The following RGS6 variants were observed in gnomAD, a reference collection of about 807,000 sequenced individuals.
RGS6 encodes regulator of G-protein signaling 6.
In RGS6, 30 loss-of-function variants were observed where a neutral mutation model predicts 78.5. That is an observed-to-expected ratio of 0.38 (90% CI 0.29 to 0.52). The LOEUF is 0.52. RGS6 is among the 20% of genes least tolerant of loss of function. The pLI, the probability that RGS6 is intolerant of heterozygous loss-of-function variation, is 0.85. For missense variants in RGS6, 495 were observed against 609.7 expected, an observed-to-expected ratio of 0.81 and a Z score of 1.98; for synonymous variants, 206 against 206.0, an observed-to-expected ratio of 1.00 and a Z score of 0.00.
At chr14:72,382,402 T>C (rs1016322414) in intron 3 of RGS6, among the ~76,000 whole-genome samples, 2 of 152,226 alleles carry the variant, frequency 1.3e-5, no homozygotes, top group African/African-American at 4.8e-5. Flanking sequence ...TGAGATATCA[T>C]TTTAATTCAC....
At chr14:72,340,053 T>C (rs1386077027) in intron 2 of RGS6, among the ~76,000 whole-genome samples, 2 of 152,278 alleles carry the variant, frequency 1.3e-5, no homozygotes, top group African/African-American at 4.8e-5. Context: ...GCCCTGCCTT[T>C]CCAGTTTCCC....
the RGS6 span, among the ~76,000 whole-genome samples, chr14:72,593,070 T>C: frequency 5.9e-5 from 9 of 152,086 alleles, no homozygotes; most frequent in Non-Finnish European, 8.8e-5. Flanking sequence ...CTAGGAGTTG[T>C]GGGCATGCTG....
the RGS6 span, among the ~76,000 whole-genome samples, chr14:71,913,516 T>A: frequency 6.6e-6 from 1 of 152,232 alleles, no homozygotes; most frequent in African/African-American, 2.4e-5. Flanking sequence ...TCATGTCCAG[T>A]AGTCATTCGC....
At chr14:72,327,044 C>T (rs115519021) in intron 2 of RGS6, among the ~76,000 whole-genome samples, 1,635 of 152,242 alleles carry the variant, frequency 0.011, 26 homozygotes, top group African/African-American at 0.036. Flanking sequence ...TGGCCTAACA[C>T]GTATACATTA....
At chr14:72,479,366 T>C (rs1469895205) in intron 12 of RGS6, among the ~76,000 whole-genome samples, 2 of 152,198 alleles carry the variant, frequency 1.3e-5, no homozygotes, top group African/African-American at 4.8e-5. Flanking sequence ...ACTAGTGACA[T>C]TCTGAGCCAG....
chr14:72,351,409 C>T (rs1018749343), intron 2 of RGS6, among the ~76,000 whole-genome samples: 5 of 152,148 alleles, frequency 3.3e-5, no homozygotes, highest in African/African-American at 1.2e-4. Flanking sequence ...AGTAGGATGT[C>T]AACAGTCCAC....
rs984115125 is a variant in RGS6, at chr14:72,117,868, C to T, written c.84+152993C>T. ...GACCCACAAGGACCCATGATACCCA[C>T]CTGCAGCTGGCTGTTGCCATCTATT... is the stretch of plus-strand genomic sequence containing the variant. On this transcript the variant is annotated intron_variant, in intron 2 of 17. Transcript: ENST00000553525. Among the ~76,000 whole-genome samples, 4 of 152,170 alleles carry T rather than the reference C, an allele frequency of 2.6e-5. No individual in the cohort carries two copies. In the East Asian group the frequency reaches 7.7e-4, roughly 29 times the overall value.
At chr14:71,956,653 T>C (rs370066660) in intron 1 of RGS6, among the ~76,000 whole-genome samples, 13 of 152,256 alleles carry the variant, frequency 8.5e-5, no homozygotes, top group African/African-American at 2.9e-4. Flanking sequence ...GATTAGATTG[T>C]GCCCACCAGA....
chr14:72,151,590 C>G (rs1213907796), intron 2 of RGS6, among the ~76,000 whole-genome samples: 1 of 152,120 alleles, frequency 6.6e-6, no homozygotes, highest in African/African-American at 2.4e-5. Context: ...TAGCTGTGTG[C>G]TTGGGCGCCA....
At chr14:72,335,456 T>G (rs770160115) in intron 2 of RGS6, among the ~76,000 whole-genome samples, 4 of 152,160 alleles carry the variant, frequency 2.6e-5, no homozygotes, top group Non-Finnish European at 5.9e-5. Flanking sequence ...CCAAACTGAC[T>G]TGCATTTTAA....
At chr14:72,445,095 G>A (rs964607517) in intron 3 of RGS6, among the ~76,000 whole-genome samples, 1 of 152,212 alleles carries the variant, frequency 6.6e-6, no homozygotes, top group Middle Eastern at 3.2e-3. Flanking sequence ...CCTCTTCCCA[G>A]TGACAGCCAG....
chr14:71,990,632 C>A, intron 2 of RGS6: 1 of 456,074 alleles, frequency 2.2e-6, no homozygotes, highest in Non-Finnish European at 4.4e-6. Flanking sequence ...TCTTCGTCTT[C>A]ATTCCCGGGG....
At chr14:72,240,355 T>C (rs2052457937) in intron 2 of RGS6, among the ~76,000 whole-genome samples, 1 of 152,184 alleles carries the variant, frequency 6.6e-6, no homozygotes, top group Non-Finnish European at 1.5e-5. Context: ...GCAAGTCTGA[T>C]GTTTAAATGT....
intron 6 of RGS6, among the ~76,000 whole-genome samples, chr14:72,462,087 T>G (rs2095796742): frequency 6.6e-6 from 1 of 152,156 alleles, no homozygotes; most frequent in South Asian, 2.1e-4. Flanking sequence ...TATAGTATGA[T>G]TTGGACTGAT....
At chr14:72,576,120 T>C in the RGS6 span, among the ~76,000 whole-genome samples, 1 of 152,262 alleles carries the variant, frequency 6.6e-6, no homozygotes, top group Non-Finnish European at 1.5e-5. Context: ...CGCATCTCCT[T>C]GAATACAATT....
intron 17 of RGS6, among the ~76,000 whole-genome samples, chr14:72,554,767 A>T (rs903083550): frequency 2.6e-5 from 4 of 152,158 alleles, no homozygotes; most frequent in African/African-American, 9.7e-5. Context: ...AGCTGGTGTG[A>T]AAAGGGGGCA....
chr14:72,365,108 A>C (rs554892328), intron 3 of RGS6, among the ~76,000 whole-genome samples: 1 of 152,230 alleles, frequency 6.6e-6, no homozygotes, highest in African/African-American at 2.4e-5. Flanking sequence ...AACACATAGC[A>C]ATATGCGGAT....
At chr14:72,327,876 G>A (rs1457882672) in intron 2 of RGS6, among the ~76,000 whole-genome samples, 1 of 152,032 alleles carries the variant, frequency 6.6e-6, no homozygotes, top group East Asian at 1.9e-4. Context: ...AAACAGAATA[G>A]GATTTACGTT....
At chr14:72,267,961 G>T (rs77787914) in intron 2 of RGS6, among the ~76,000 whole-genome samples, 517 of 152,232 alleles carry the variant, frequency 3.4e-3, no homozygotes, top group African/African-American at 0.012. Context: ...TAACACACTC[G>T]CACACTCACT....
Sources: gnomAD v4.1 joint callset for allele counts (sites outside exome capture counted in the v4.1 genomes callset) on GRCh38, gnomAD v4.1.1 for gene constraint, MANE v1.5 for transcripts, NCBI Gene and HGNC (gene_info 2026-07-23, HGNC 2026-07-21) for gene names.